The following ADGRA3 variants were observed in gnomAD, a reference collection of about 807,000 sequenced individuals.
The protein encoded by ADGRA3 is adhesion G protein-coupled receptor A3.
A neutral mutation model predicts 119.8 loss-of-function variants in ADGRA3; 56 were observed. The observed-to-expected ratio is 0.47, with a 90% CI of 0.38 to 0.58. The LOEUF is 0.58. Ranked by LOEUF, ADGRA3 falls within the 20% of genes least tolerant of loss-of-function variation. The probability of loss-of-function intolerance (pLI) is 0.00; values close to 1 mark genes in which losing one functional copy is unlikely to be tolerated. For synonymous variants in ADGRA3, 607 were observed against 623.8 expected, an observed-to-expected ratio of 0.97 and a Z score of 0.40; for missense variants, 1,516 against 1,649.0, an observed-to-expected ratio of 0.92 and a Z score of 1.40.
intron 1 of ADGRA3, among the ~76,000 whole-genome samples, chr4:22,504,150 C>A (rs1322927572): frequency 1.3e-5 from 2 of 151,784 alleles, no homozygotes; most frequent in African/African-American, 2.4e-5. Flanking sequence ...CTGCCCCCAA[C>A]CATGGTGAGT....
At chr4:22,492,182 G>T (rs1718646230) in intron 1 of ADGRA3, among the ~76,000 whole-genome samples, 1 of 152,098 alleles carries the variant, frequency 6.6e-6, no homozygotes, top group African/African-American at 2.4e-5. Flanking sequence ...AGGCGAAAAA[G>T]CACATCAAGG....
At chr4:22,392,767 T>A in intron 16 of ADGRA3, 77 bp from the exon 17 acceptor site, 1 of 1,346,248 alleles carries the variant, frequency 7.4e-7, no homozygotes, top group Non-Finnish European at 1.0e-6. Context: ...GGTAAGTAAC[T>A]CAGAAGTCTG....
chr4:22,415,929 C>T (rs73245198), intron 12 of ADGRA3, among the ~76,000 whole-genome samples: 2,602 of 152,138 alleles, frequency 0.017, 37 homozygotes, highest in Non-Finnish European at 0.028. Flanking sequence ...TTTAAGGCTT[C>T]TAAAATATCC....
chr4:22,399,158 G>A (rs959082048), intron 16 of ADGRA3, among the ~76,000 whole-genome samples: 9 of 152,214 alleles, frequency 5.9e-5, no homozygotes, highest in Admixed American at 1.3e-4. Context: ...CCGTGTGTTC[G>A]CTCTTCTACG....
chr4:22,463,739 T>A (rs1009975681), intron 2 of ADGRA3, among the ~76,000 whole-genome samples: 1 of 152,212 alleles, frequency 6.6e-6, no homozygotes, highest in African/African-American at 2.4e-5. Flanking sequence ...TGGTTACTAG[T>A]TGGATTCCCC....
chr4:22,467,612 T>C (rs545641552), intron 2 of ADGRA3, among the ~76,000 whole-genome samples: 1 of 152,342 alleles, frequency 6.6e-6, no homozygotes, highest in African/African-American at 2.4e-5. Flanking sequence ...ATACCTCTCA[T>C]GAATAACTGA....
intron 1 of ADGRA3, among the ~76,000 whole-genome samples, chr4:22,479,888 C>T (rs981858581): frequency 1.3e-5 from 2 of 152,114 alleles, no homozygotes; most frequent in Non-Finnish European, 2.9e-5. Context: ...AACAAACTAA[C>T]ACAGGAACAG....
At chr4:22,449,286 T>C (rs1374764642) in intron 4 of ADGRA3, among the ~76,000 whole-genome samples, 2 of 151,948 alleles carry the variant, frequency 1.3e-5, no homozygotes, top group Admixed American at 1.3e-4. Context: ...AAAAAAAATT[T>C]TTTTTAAGAA....
At chr4:22,467,225 G>A (rs1356523376) in intron 2 of ADGRA3, among the ~76,000 whole-genome samples, 2 of 152,082 alleles carry the variant, frequency 1.3e-5, no homozygotes, top group African/African-American at 4.8e-5. Flanking sequence ...TTATGGCATT[G>A]CCCTTTCAAT....
chr4:22,473,363 C>T, intron 2 of ADGRA3: 1 of 157,114 alleles, frequency 6.4e-6, no homozygotes, highest in Non-Finnish European at 1.4e-5. Context: ...AACACAGCAT[C>T]AATGCTTTAA....
intron 1 of ADGRA3, among the ~76,000 whole-genome samples, chr4:22,477,214 A>G (rs1718081061): frequency 6.6e-6 from 1 of 152,198 alleles, no homozygotes; most frequent in Admixed American, 6.5e-5. Flanking sequence ...GACTGACGTT[A>G]GAAACTTCAC....
intron 16 of ADGRA3, chr4:22,392,896 T>C (rs1714195466): frequency 9.9e-6 from 5 of 506,606 alleles, no homozygotes; most frequent in South Asian, 3.2e-5. Flanking sequence ...AAACCAACAA[T>C]TGGCTCTAGG....
chr4:22,509,280 A>T (rs1346668626), intron 1 of ADGRA3, among the ~76,000 whole-genome samples: 2 of 151,990 alleles, frequency 1.3e-5, no homozygotes, highest in Non-Finnish European at 1.5e-5. Context: ...AGGCGGGCAG[A>T]TCACGAGGTC....
intron 3 of ADGRA3, among the ~76,000 whole-genome samples, chr4:22,460,443 C>G (rs1006925755): frequency 6.6e-6 from 1 of 152,166 alleles, no homozygotes; most frequent in Non-Finnish European, 1.5e-5. Context: ...AAGTTCCTCC[C>G]AGGAGAGGGC....
chr4:22,433,445 T>C (rs539576835), intron 10 of ADGRA3, among the ~76,000 whole-genome samples: 75 of 152,276 alleles, frequency 4.9e-4, no homozygotes, highest in African/African-American at 1.6e-3. Context: ...ACAGAGAAAA[T>C]AGCATCCCCA....
chr4:22,406,268 T>C (rs970321481), intron 14 of ADGRA3, among the ~76,000 whole-genome samples: 7 of 152,218 alleles, frequency 4.6e-5, no homozygotes, highest in Admixed American at 1.3e-4. Flanking sequence ...CTATCGTGAA[T>C]AGTGCTGCAG....
At chr4:22,496,214 T>A (rs996195990) in intron 1 of ADGRA3, among the ~76,000 whole-genome samples, 1 of 152,146 alleles carries the variant, frequency 6.6e-6, no homozygotes, top group Admixed American at 6.5e-5. Flanking sequence ...TTACAACACA[T>A]TGGTTATGAG....
chr4:22,387,777 C>G lies in ADGRA3; in HGVS notation c.3894G>C (p.Glu1298Asp), dbSNP rs936569551. The change falls in exon 19 of 19, where the codon GAG (glutamate) becomes GAC (aspartate). Residue 1298 changes from glutamate to aspartate, a missense_variant. By Grantham distance (45) the Glu-to-Asp change is conservative. Coordinates refer to ENST00000334304, the MANE Select transcript of ADGRA3 (RefSeq NM_145290.4). ...TGCTATCGGTACCGAGCAAGGGTCC[C>G]TCCTGCCCATTGCTTTTAATTGGTC... The part of the protein sequence containing the change: ...QNGPIKSNGQ[E>D]GPLLGTDSTG... The G allele has an allele frequency of 6.2e-7, 1 of 1,613,952 alleles. No homozygotes were observed. Among genetic ancestry groups the G allele is most frequent in the Non-Finnish European group, 8.5e-7 (1 of 1,179,966 alleles).
intron 1 of ADGRA3, chr4:22,477,627 A>T (rs1035014566): frequency 6.6e-6 from 1 of 152,208 alleles, no homozygotes; most frequent in East Asian, 1.9e-4. Context: ...CACTCACTGC[A>T]ATTCCAGAAT....
Sources: gnomAD v4.1 joint callset for allele counts (sites outside exome capture counted in the v4.1 genomes callset) on GRCh38, gnomAD v4.1.1 for gene constraint, MANE v1.5 for transcripts, NCBI Gene and HGNC (gene_info 2026-07-23, HGNC 2026-07-21) for gene names.